Variants in EIF2AK4 observed in about 807,000 individuals in gnomAD.
EIF2AK4 encodes the protein eukaryotic translation initiation factor 2 alpha kinase 4, also known as eIF-2-alpha kinase GCN2.
A neutral mutation model predicts 211.1 loss-of-function variants in EIF2AK4; 139 were observed. That is an observed-to-expected ratio of 0.66 (90% CI 0.57 to 0.76). EIF2AK4 has a LOEUF of 0.76. EIF2AK4 is among the 30% of genes least tolerant of loss of function. The probability of loss-of-function intolerance (pLI) is 0.00; values close to 1 mark genes in which losing one functional copy is unlikely to be tolerated. For synonymous variants in EIF2AK4, 710 were observed against 751.3 expected, an observed-to-expected ratio of 0.94 and a Z score of 0.90; for missense variants, 1,664 against 2,043.8, an observed-to-expected ratio of 0.81 and a Z score of 3.58.
chr15:40,032,086 A>G, intron 35 of EIF2AK4, 83 bp from the exon 36 acceptor site: 1 of 1,180,124 alleles, frequency 8.5e-7, no homozygotes, highest in Non-Finnish European at 1.3e-6. Context: ...TAACCCTGTG[A>G]TTGTATCCTG....
At chr15:39,950,353 T>C (rs2034289494) in intron 4 of EIF2AK4, among the ~76,000 whole-genome samples, 1 of 152,138 alleles carries the variant, frequency 6.6e-6, no homozygotes, top group Non-Finnish European at 1.5e-5. Flanking sequence ...CCCAGGACTT[T>C]GGGATGAGGC....
chr15:40,032,527 C>T (rs143118945), intron 36 of EIF2AK4, among the ~76,000 whole-genome samples: 2 of 152,332 alleles, frequency 1.3e-5, no homozygotes, highest in African/African-American at 4.8e-5. Flanking sequence ...CATGTAGCAG[C>T]GTCAGACCTT....
rs761408250 is a variant in EIF2AK4, at chr15:39,967,878, A to G, written c.1552A>G (p.Lys518Glu). The change falls in exon 9 of 39, where the codon AAA (lysine) becomes GAA (glutamate). Residue 518 changes from lysine to glutamate, a missense_variant and splice_region_variant. This residue lies in a region of EIF2AK4 where 641 missense variants were observed against 729.6 expected (regional missense o/e 0.88). Coordinates refer to ENST00000263791, the MANE Select transcript of EIF2AK4 (RefSeq NM_001013703.4). ...LPADFQDFLK[K>E]CVCLDDKERW... ...AGCTGACTTTCAAGATTTTCTAAAG[A>G]AGTGAGTATCACTGAGATTCTCTCT... is the stretch of plus-strand genomic sequence containing the variant. 1 of 1,613,418 alleles carries G rather than the reference A, an allele frequency of 6.2e-7. No homozygotes were observed. The highest frequency in any genetic ancestry group is 8.5e-7 in the Non-Finnish European group (1 of 1,179,552).
At chr15:39,992,929 G>T in intron 18 of EIF2AK4, 81 bp downstream of exon 18, 1 of 1,334,998 alleles carries the variant, frequency 7.5e-7, no homozygotes, top group Non-Finnish European at 1.1e-6. Context: ...ATTTAGTCCC[G>T]GCTAAAATAG....
At chr15:39,962,950 C>T (rs544909889) in intron 7 of EIF2AK4, among the ~76,000 whole-genome samples, 4 of 152,238 alleles carry the variant, frequency 2.6e-5, no homozygotes, top group East Asian at 3.9e-4. Flanking sequence ...CATATTTTTG[C>T]CAGAAGTAAC....
chr15:39,984,618 T>C (rs1018493461), intron 13 of EIF2AK4, among the ~76,000 whole-genome samples: 6 of 152,372 alleles, frequency 3.9e-5, no homozygotes, highest in Admixed American at 1.3e-4. Context: ...ACAGCAATTG[T>C]GAATGGGAAT....
chr15:39,961,738 A>T (rs2034475106), intron 6 of EIF2AK4, 46 bp from the exon 7 acceptor site: 1 of 1,474,708 alleles, frequency 6.8e-7, no homozygotes, highest in African/African-American at 1.4e-5. Context: ...TAAAGAAAAA[A>T]ATGAAAAATG....
chr15:39,988,728 C>T (rs573936552), intron 15 of EIF2AK4, among the ~76,000 whole-genome samples: 39 of 152,198 alleles, frequency 2.6e-4, no homozygotes, highest in Admixed American at 6.5e-5. Context: ...GGGCCAGGTG[C>T]GGTGGCTCAT....
At chr15:39,972,305 A>C (rs1381902551) in intron 9 of EIF2AK4, among the ~76,000 whole-genome samples, 1 of 151,446 alleles carries the variant, frequency 6.6e-6, no homozygotes, top group South Asian at 2.1e-4. Flanking sequence ...AGCTGAGATC[A>C]CACCACTGCA....
At chr15:39,996,928 C>T (rs1274089747) in intron 18 of EIF2AK4, 36 bp from the exon 19 acceptor site, 1 of 1,408,216 alleles carries the variant, frequency 7.1e-7, no homozygotes, top group Non-Finnish European at 1.0e-6. Context: ...ACTTTCATAT[C>T]AAGGCTCTCT....
At chr15:40,032,377 T>TA in intron 36 of EIF2AK4, 140 bp downstream of exon 36, 16 of 681,408 alleles carry the variant, frequency 2.3e-5, no homozygotes. Context: ...ACACGCAATT[T>TA]AAAACTATTA....
chr15:40,017,705 C>T (rs1017792147), intron 29 of EIF2AK4, among the ~76,000 whole-genome samples: 2 of 150,510 alleles, frequency 1.3e-5, no homozygotes, highest in Admixed American at 6.6e-5. Context: ...ACCACCACAC[C>T]CAGCTAATTT....
intron 32 of EIF2AK4, 77 bp downstream of exon 32, chr15:40,022,682 G>C (rs748540558): frequency 2.3e-6 from 3 of 1,284,558 alleles, no homozygotes; most frequent in East Asian, 2.4e-5. Flanking sequence ...ACTGAGGCCC[G>C]GGCCGTGTAG....
chr15:39,941,927 A>G (rs2034150805), intron 2 of EIF2AK4, among the ~76,000 whole-genome samples: 2 of 152,186 alleles, frequency 1.3e-5, no homozygotes, highest in South Asian at 4.1e-4. Context: ...TAAAAATATT[A>G]TGGGATGATT....
chr15:39,966,422 G>A (rs1336866431), intron 8 of EIF2AK4, among the ~76,000 whole-genome samples: 1 of 151,050 alleles, frequency 6.6e-6, no homozygotes, highest in East Asian at 1.9e-4. Flanking sequence ...AATTGCTTGA[G>A]CCCAGGAGGT....
chr15:39,992,298 T>C (rs2034954679), intron 17 of EIF2AK4, 69 bp downstream of exon 17: 1 of 1,353,238 alleles, frequency 7.4e-7, no homozygotes, highest in Non-Finnish European at 1.0e-6. Flanking sequence ...CTGAAACCTG[T>C]TTTTTACTTG....
chr15:40,007,347 C>T (rs1345872842), intron 24 of EIF2AK4, among the ~76,000 whole-genome samples: 1 of 152,184 alleles, frequency 6.6e-6, no homozygotes, highest in Admixed American at 6.5e-5. Context: ...ATTATTTTCA[C>T]AAACGGTTGC....
chr15:39,997,044 T>C lies in EIF2AK4; in HGVS notation c.2847T>C (p.Phe949=), dbSNP rs770637016. The C allele has an allele frequency of 6.2e-7, 1 of 1,613,554 alleles. No homozygotes were observed. The highest frequency in any genetic ancestry group is 2.2e-5 in the East Asian group (1 of 44,864). Residue 949 remains phenylalanine (F), a synonymous_variant, in exon 19 of 39, where the codon TTT becomes TTC. Coordinates refer to ENST00000263791, the MANE Select transcript of EIF2AK4 (RefSeq NM_001013703.4). ...TGGTCACGGCTTCAGAAAGGATCTT[T>C]GTTCTCAACCAACTCAGAGATGTAT... The part of the protein sequence containing the change: ...HPMVTASERI[F]VLNQLRDPTS...
chr15:40,030,482 C>G (rs1054064024), intron 35 of EIF2AK4, 26 bp downstream of exon 35: 2 of 1,588,732 alleles, frequency 1.3e-6, no homozygotes, highest in Non-Finnish European at 1.7e-6. Flanking sequence ...GTTTCTTTGG[C>G]TTTCTAATAT....
Sources: gnomAD v4.1 joint callset for allele counts (sites outside exome capture counted in the v4.1 genomes callset) on GRCh38, gnomAD v4.1.1 for gene constraint, gnomAD v4.1.1 regional missense constraint, MANE v1.5 for transcripts, NCBI Gene and HGNC (gene_info 2026-07-23, HGNC 2026-07-21) for gene names.